Variants in TMEM183A observed in about 807,000 individuals in gnomAD.
TMEM183A encodes the protein chromosome 1 open reading frame 37.
In TMEM183A, 21 loss-of-function variants were observed where a neutral mutation model predicts 46.7. The ratio of observed to expected loss-of-function variants is 0.45; its 90% CI spans 0.32 to 0.65. The LOEUF is 0.65. Among genes scored for constraint, TMEM183A ranks in the 30% least tolerant of loss-of-function variants. The pLI, the probability that TMEM183A is intolerant of heterozygous loss-of-function variation, is 0.04. For missense variants in TMEM183A, 331 were observed against 481.9 expected (o/e 0.69, Z 2.93); for synonymous variants, 165 against 180.2 (o/e 0.92, Z 0.68).
chr1:203,007,440 C>T lies in TMEM183A; in HGVS notation c.-26C>T. ...GCCGGGCGGAGCTGGCTTGCGGCTC[C>T]CGGGGCCGGCTCTCCGGCCGGAGAC... On this transcript the variant is annotated 5_prime_UTR_variant, in exon 1 of 8. Transcript: ENST00000367242. The T allele has an allele frequency of 1.4e-6, 2 of 1,403,414 alleles. No homozygotes were observed. The highest frequency in any genetic ancestry group is 1.9e-6 in the Non-Finnish European group (2 of 1,077,012). The allele number at this position is 1,403,414 out of a possible 1,614,324, so 86.9% of individuals were successfully genotyped here. A position where few individuals can be genotyped will look rare whatever the true frequency, so the allele number is the denominator to read the frequency against.
intron 3 of TMEM183A, among the ~76,000 whole-genome samples, chr1:203,011,159 A>G (rs1056899673): frequency 4.6e-5 from 7 of 152,224 alleles, no homozygotes; most frequent in African/African-American, 9.6e-5. Context: ...TGGATTATAC[A>G]GAAACTCTAT....
At chr1:203,021,923 CAAAGT>C (rs79809720) in intron 7 of TMEM183A, among the ~76,000 whole-genome samples, 7,968 of 152,150 alleles carry the variant, frequency 0.052, 539 homozygotes, top group East Asian at 0.3. Context: ...AATATACTGA[CAAAGT>C]AAAGGTGACT....
intron 3 of TMEM183A, among the ~76,000 whole-genome samples, chr1:203,012,974 C>T (rs1420490294): frequency 2.0e-5 from 3 of 152,232 alleles, no homozygotes; most frequent in Admixed American, 6.5e-5. Context: ...CCCACCTTGG[C>T]CTCCCAAAGC....
At position 203,013,265 on chromosome 1, in the gene TMEM183A, C is replaced by A. The variant is rs1656847587; in HGVS notation, c.368-1624C>A. 6.6e-6 allele frequency among the ~76,000 whole-genome samples: 1 copy of A among 152,092 alleles called. No homozygotes were observed. The highest frequency in any genetic ancestry group is 2.4e-5 in the African/African-American group (1 of 41,400). On this transcript the variant is annotated intron_variant, in intron 3 of 7. Coordinates refer to ENST00000367242, the MANE Select transcript of TMEM183A (RefSeq NM_138391.6). This position sits in a 1 kb window ranked among gnomAD's most constrained non-coding sequence, Gnocchi z 4.0. Reference sequence around the variant, plus strand: ...AAGCAGTTAGCTAGAAAAGCGGGGGCAACTTTGGGGAGATGGTGTAGGGGC... The same window carrying A: ...AAGCAGTTAGCTAGAAAAGCGGGGGAAACTTTGGGGAGATGGTGTAGGGGC...
intron 3 of TMEM183A, among the ~76,000 whole-genome samples, chr1:203,009,520 T>G (rs1481705702): frequency 6.6e-6 from 1 of 152,220 alleles, no homozygotes; most frequent in East Asian, 1.9e-4. Context: ...TTTGGTCTCT[T>G]GCCTGGGCTG....
rs1200924982 is a variant in TMEM183A, at chr1:203,016,023, C to T, written c.591C>T (p.Arg197=). Residue 197 remains arginine, a synonymous_variant, in exon 5 of 8, where the codon CGC becomes CGT. Transcript: ENST00000367242. ...RLRPESMEKL[R]CLRACVIRSL... ...GACCAGAGTCAATGGAGAAGCTGCGCTGTCTCCGGGCTTGTGTGATCCGAT... is the reference window on the plus strand; with the variant it reads ...GACCAGAGTCAATGGAGAAGCTGCGTTGTCTCCGGGCTTGTGTGATCCGAT... 15 of 1,614,078 alleles carry T rather than the reference C, an allele frequency of 9.3e-6. No homozygotes were observed. The highest frequency in any genetic ancestry group is 1.3e-5 in the Non-Finnish European group (15 of 1,179,910).
rs764700081 is a variant in TMEM183A at position 203,008,659 on chromosome 1, C to T, written c.216C>T (p.Gly72=). 12 of 1,556,556 alleles carry T rather than the reference C, an allele frequency of 7.7e-6. No individual in the cohort carries two copies. In the African/African-American group the frequency reaches 1.5e-4, roughly 20 times the overall value. Residue 72 remains glycine, a synonymous_variant, in exon 3 of 8, where the codon GGC becomes GGT. Transcript: ENST00000367242. ...AVQQEVKSLC[G]LEASQVPAEE... ...TTCTTCTAGTAAAATCTCTTTGTGG[C>T]TTGGAAGCCTCTCAGGTTCCTGCAG...
intron 3 of TMEM183A, among the ~76,000 whole-genome samples, chr1:203,010,435 T>G (rs1022025644): frequency 2.0e-5 from 3 of 152,156 alleles, no homozygotes; most frequent in African/African-American, 7.2e-5. Flanking sequence ...AGGAAATGCT[T>G]ATTGGAGCAC....
chr1:203,012,415 T>C (rs1324422131), intron 3 of TMEM183A, among the ~76,000 whole-genome samples: 1 of 152,246 alleles, frequency 6.6e-6, no homozygotes, highest in African/African-American at 2.4e-5. Flanking sequence ...TGTTAGACTT[T>C]TCTGTTTACT....
chr1:203,018,576 CTT>C lies in TMEM183A; in HGVS notation c.789+17_789+18del, dbSNP rs900623897. On this transcript the variant is annotated intron_variant, in intron 6 of 7. Transcript: ENST00000367242. ...TCAAAAAACAGGTACGTGGTCTTCT[CTT>C]TGTTTTTCAGATAATACCTTGTTCT... The C allele has an allele frequency of 6.2e-7, 1 of 1,611,310 alleles. No homozygotes were observed. Among genetic ancestry groups the C allele is most frequent in the Non-Finnish European group, 8.5e-7 (1 of 1,178,908 alleles).
intron 3 of TMEM183A, among the ~76,000 whole-genome samples, chr1:203,012,927 C>G (rs79597296): frequency 0.025 from 3,798 of 152,162 alleles, 163 homozygotes; most frequent in African/African-American, 0.088. Flanking sequence ...ACTGTGTTGC[C>G]CAAGCCGATC....
At chr1:203,021,252 A>G (rs1352680210) in intron 7 of TMEM183A, among the ~76,000 whole-genome samples, 1 of 152,062 alleles carries the variant, frequency 6.6e-6, no homozygotes, top group Non-Finnish European at 1.5e-5. Flanking sequence ...GGCTTGTCTC[A>G]GACTCCTAGC....
intron 6 of TMEM183A, 82 bp from the exon 7 acceptor site, chr1:203,020,711 G>C: frequency 6.4e-7 from 1 of 1,557,650 alleles, no homozygotes; most frequent in Non-Finnish European, 8.8e-7. Flanking sequence ...CTTTAGTTGA[G>C]CCATAGGATT....
chr1:203,007,937 C>G, intron 2 of TMEM183A, 74 bp downstream of exon 2: 1 of 1,571,134 alleles, frequency 6.4e-7, no homozygotes, highest in Non-Finnish European at 8.7e-7. Flanking sequence ...GTTTTTCTTG[C>G]AGTCCTTTAG....
In TMEM183A at chr1:203,011,163, A is replaced by G. The variant is rs530432404; in HGVS notation, c.367+2353A>G. Among the ~76,000 whole-genome samples the G allele has an allele frequency of 2.6e-3, 396 of 151,870 alleles. 2 individuals are homozygous for G. The highest frequency in any genetic ancestry group is 4.9e-3 in the Non-Finnish European group (330 of 67,944). The stretch of plus-strand genomic sequence containing the variant: ...AGTGAAATTGCTGGATTATACAGAA[A>G]CTCTATGTTTAACTTTTGGAGGAAT... On this transcript the variant is annotated intron_variant, in intron 3 of 7. Transcript: ENST00000367242.
Position 203,016,005 on chromosome 1 carries a change from GT to G in TMEM183A, c.574del (p.Ser192GlnfsTer12). 6.2e-7 allele frequency: 1 copy of G among 1,614,042 alleles called. No individual in the cohort carries two copies. The highest frequency in any genetic ancestry group is 8.5e-7 in the Non-Finnish European group (1 of 1,179,882). On this transcript the variant is annotated frameshift_variant, in exon 5 of 8. Transcript: ENST00000367242. LOFTEE classifies it high-confidence loss of function. ...ASLPLRLRPE[S>X]MEKLRCLRAC... is the part of the protein sequence containing the mutation. The stretch of plus-strand genomic sequence containing the variant: ...CCCTGCCTTTGCGTCTGCGACCAGA[GT>G]CAATGGAGAAGCTGCGCTGTCTCCG...
chr1:203,014,873 C>T lies in TMEM183A; in HGVS notation c.368-16C>T, dbSNP rs1011138743. On this transcript the variant is annotated splice_polypyrimidine_tract_variant and intron_variant, in intron 3 of 7. Transcript: ENST00000367242. ...ATGGTGTAGAAGATCAGAGATTATT[C>T]TTTTTTTTGTTTCAGAAGAACTGGA... 2 of 1,612,282 alleles carry T rather than the reference C, an allele frequency of 1.2e-6. No homozygotes were observed. Among genetic ancestry groups the T allele is most frequent in the Admixed American group, 1.7e-5 (1 of 59,772 alleles).
At chr1:203,019,935 C>G (rs1657507349) in intron 6 of TMEM183A, among the ~76,000 whole-genome samples, 1 of 149,684 alleles carries the variant, frequency 6.7e-6, no homozygotes, top group African/African-American at 2.5e-5. Context: ...TTATGGGTTT[C>G]TCTCTCACTA....
intron 5 of TMEM183A, 150 bp downstream of exon 5, chr1:203,016,290 C>T (rs1313643765): frequency 7.2e-6 from 8 of 1,116,574 alleles, no homozygotes; most frequent in Non-Finnish European, 1.0e-5. Flanking sequence ...AGAGATTTCA[C>T]TTCTCCAAGA....
Sources: gnomAD v4.1 joint callset for allele counts (sites outside exome capture counted in the v4.1 genomes callset) on GRCh38, gnomAD v4.1.1 for gene constraint, Gnocchi (gnomAD v3.1) non-coding constraint, MANE v1.5 for transcripts, NCBI Gene and HGNC (gene_info 2026-07-23, HGNC 2026-07-21) for gene names.